NAALADL2: variants seen among roughly 807,000 people sequenced by gnomAD.
NAALADL2 encodes the protein inactive N-acetylated-alpha-linked acidic dipeptidase-like protein 2.
In NAALADL2, 76 loss-of-function variants were observed where a neutral mutation model predicts 87.2. That is an observed-to-expected ratio of 0.87 (90% CI 0.72 to 1.05). The LOEUF (loss-of-function observed/expected upper bound fraction) is 1.05. Among genes scored for constraint, NAALADL2 ranks in the 50% least tolerant of loss-of-function variants. The pLI is 0.00. For missense variants in NAALADL2, 1,089 were observed against 945.8 expected, an observed-to-expected ratio of 1.15 and a Z score of -1.99; for synonymous variants, 354 against 331.0, an observed-to-expected ratio of 1.07 and a Z score of -0.75.
chr3:174,832,320 G>T (rs534037696), intron 3 of NAALADL2, among the ~76,000 whole-genome samples: 1 of 151,972 alleles, frequency 6.6e-6, no homozygotes, highest in Non-Finnish European at 1.5e-5. Flanking sequence ...CTTTGTTCTC[G>T]TTGGTTTCAA....
At chr3:175,130,786 G>A (rs1156934382) in intron 2 of NAALADL2, among the ~76,000 whole-genome samples, 1 of 152,028 alleles carries the variant, frequency 6.6e-6, no homozygotes, top group Non-Finnish European at 1.5e-5. Flanking sequence ...TATTCTAGTG[G>A]CACACTATTT....
intron 3 of NAALADL2, among the ~76,000 whole-genome samples, chr3:174,829,115 G>A: frequency 6.6e-6 from 1 of 151,606 alleles, no homozygotes; most frequent in East Asian, 1.9e-4. Context: ...TGTTGTTGTT[G>A]TTGTTGTTTT....
chr3:175,658,140 G>A (rs531694222), intron 11 of NAALADL2, among the ~76,000 whole-genome samples: 2 of 152,052 alleles, frequency 1.3e-5, no homozygotes, highest in East Asian at 3.9e-4. Context: ...TAGTTGGATT[G>A]CTAGATTGAA....
At chr3:174,960,966 G>A (rs979872167) in intron 1 of NAALADL2, among the ~76,000 whole-genome samples, 6 of 151,072 alleles carry the variant, frequency 4.0e-5, no homozygotes, top group Admixed American at 1.3e-4. Context: ...GAGCCCAGGA[G>A]GTTGAAACTG....
At chr3:175,727,167 G>T (rs551419644) in intron 11 of NAALADL2, among the ~76,000 whole-genome samples, 1 of 152,214 alleles carries the variant, frequency 6.6e-6, no homozygotes, top group South Asian at 2.1e-4. Flanking sequence ...GCAACTCGGT[G>T]CAGGGAAGGC....
Position 174,763,248 on chromosome 3 carries a change from A to G in NAALADL2, c.-9+25502A>G, listed in dbSNP as rs189746789. ...GAGTGATATATGAATATAATAATTAATATGATGAAATTTCACAATTTTATG... is the reference window on the plus strand; with the variant it reads ...GAGTGATATATGAATATAATAATTAGTATGATGAAATTTCACAATTTTATG... On this transcript the variant is annotated intron_variant, in intron 3 of 3. Coordinates refer to the NAALADL2 transcript ENST00000434257. Among the ~76,000 whole-genome samples the G allele has an allele frequency of 1.1e-3, 170 of 152,274 alleles. 2 individuals are homozygous for G. Among genetic ancestry groups the G allele is most frequent in the African/African-American group, 3.9e-3 (162 of 41,552 alleles).
chr3:175,317,949 A>G (rs1759364239), intron 4 of NAALADL2, among the ~76,000 whole-genome samples: 1 of 152,184 alleles, frequency 6.6e-6, no homozygotes, highest in Non-Finnish European at 1.5e-5. Context: ...CTGTGGAAAT[A>G]TATTTCATGA....
intron 1 of NAALADL2, among the ~76,000 whole-genome samples, chr3:174,895,405 A>G (rs1240856588): frequency 1.3e-5 from 2 of 152,162 alleles, no homozygotes; most frequent in Non-Finnish European, 2.9e-5. Context: ...GAGCAGCTGT[A>G]CGCCAATAAA....
At chr3:174,935,189 A>G (rs568042008) in intron 1 of NAALADL2, among the ~76,000 whole-genome samples, 50 of 152,246 alleles carry the variant, frequency 3.3e-4, no homozygotes, top group African/African-American at 1.2e-3. Context: ...GTTCACTTTC[A>G]TGTGTAATGT....
At chr3:175,650,303 A>T (rs1240209972) in intron 11 of NAALADL2, among the ~76,000 whole-genome samples, 1 of 152,164 alleles carries the variant, frequency 6.6e-6, no homozygotes, top group East Asian at 1.9e-4. Flanking sequence ...GTTGTCCAAG[A>T]CTAGGTCTGG....
intron 1 of NAALADL2, among the ~76,000 whole-genome samples, chr3:174,898,463 T>C (rs1731892978): frequency 6.6e-6 from 1 of 152,006 alleles, no homozygotes; most frequent in African/African-American, 2.4e-5. Context: ...CTATAGTCAA[T>C]AATAACTTAA....
intron 1 of NAALADL2, among the ~76,000 whole-genome samples, chr3:174,982,043 T>C (rs1745192620): frequency 1.3e-5 from 2 of 152,194 alleles, no homozygotes; most frequent in Admixed American, 1.3e-4. Flanking sequence ...AGTCTAGATT[T>C]TTAGTCAAAA....
intron 1 of NAALADL2, among the ~76,000 whole-genome samples, chr3:175,077,668 A>G (rs1308839917): frequency 1.3e-5 from 2 of 152,184 alleles, no homozygotes; most frequent in African/African-American, 4.8e-5. Context: ...TCATAAATAT[A>G]CTATAAATGG....
At chr3:175,759,867 T>C (rs1169953527) in intron 13 of NAALADL2, among the ~76,000 whole-genome samples, 1 of 152,094 alleles carries the variant, frequency 6.6e-6, no homozygotes, top group East Asian at 1.9e-4. Context: ...TAAGATCAAG[T>C]TGTGGAGTCC....
chr3:175,725,976 T>A (rs542735428), intron 11 of NAALADL2, among the ~76,000 whole-genome samples: 1 of 152,270 alleles, frequency 6.6e-6, no homozygotes, highest in African/African-American at 2.4e-5. Context: ...AGATTACTAC[T>A]AAACATAGTA....
intron 4 of NAALADL2, among the ~76,000 whole-genome samples, chr3:175,308,387 C>A (rs1239883982): frequency 6.6e-6 from 1 of 152,138 alleles, no homozygotes; most frequent in Admixed American, 6.5e-5. Context: ...CTCTTCCTAG[C>A]ATCCTGTCTT....
intron 5 of NAALADL2, among the ~76,000 whole-genome samples, chr3:175,327,434 C>G (rs1465526267): frequency 1.3e-5 from 2 of 152,142 alleles, no homozygotes; most frequent in African/African-American, 4.8e-5. Flanking sequence ...GGATTACAGG[C>G]GTGAGCCACC....
At chr3:174,898,002 A>G (rs1199728000) in intron 1 of NAALADL2, among the ~76,000 whole-genome samples, 1 of 138,648 alleles carries the variant, frequency 7.2e-6, no homozygotes, top group Non-Finnish European at 1.5e-5. Context: ...AGTCCCAGCT[A>G]CTTGGGAGGC....
chr3:175,716,118 AATTT>A (rs1272153022), intron 11 of NAALADL2, among the ~76,000 whole-genome samples: 1 of 147,564 alleles, frequency 6.8e-6, no homozygotes. Flanking sequence ...TGATATATGT[AATTT>A]ATTGGAATAC....
Sources: allele counts gnomAD v4.1 joint callset (sites outside exome capture counted in the v4.1 genomes callset), GRCh38; gene constraint gnomAD v4.1.1; transcripts MANE v1.5; gene names NCBI Gene and HGNC (gene_info 2026-07-23, HGNC 2026-07-21).